SOX10: variants seen among roughly 807,000 people sequenced by gnomAD.
The protein encoded by SOX10 is SRY-box transcription factor 10.
In SOX10, 3 loss-of-function variants were observed where a neutral mutation model predicts 35.0. The ratio of observed to expected loss-of-function variants is 0.09; its 90% confidence interval spans 0.04 to 0.22. The LOEUF (loss-of-function observed/expected upper bound fraction) is 0.22, where lower values mean the gene tolerates loss of function less well. SOX10 is among the 10% of genes least tolerant of loss of function. The probability of loss-of-function intolerance (pLI) is 1.00; values close to 1 mark genes in which losing one functional copy is unlikely to be tolerated. For missense variants in SOX10, 436 were observed against 655.1 expected (o/e 0.67, Z 3.65); for synonymous variants, 285 against 291.0 (o/e 0.98, Z 0.21).
rs188000307 is a variant in SOX10 at position 37,978,809 on chromosome 22, C to T, written c.429-674G>A. ...TTTTTTTTTCTGTGAGGGAATCTCA[C>T]TCTGTCACCCATGCTAGAGCTCAGT... On this transcript the variant is annotated intron_variant, in intron 2 of 3. Coordinates refer to ENST00000396884, the MANE Select transcript of SOX10 (RefSeq NM_006941.4). The surrounding 1 kb of genome is among the most constrained non-coding windows in gnomAD (Gnocchi z 5.0). Among the ~76,000 whole-genome samples, 81 of 152,138 alleles carry T rather than the reference C, an allele frequency of 5.3e-4. No homozygotes were observed. The highest frequency in any genetic ancestry group is 1.4e-3 in the African/African-American group (59 of 41,494).
In SOX10 at chr22:37,973,831, C is replaced by T. The variant is rs1270414756; in HGVS notation, c.1065G>A (p.Gln355=). The T allele has an allele frequency of 1.2e-6, 2 of 1,605,150 alleles. No individual in the cohort carries two copies. Among genetic ancestry groups the T allele is most frequent in the Non-Finnish European group, 1.7e-6 (2 of 1,173,684 alleles). Residue 355 remains glutamine (Q), a synonymous_variant, in exon 4 of 4, where the codon CAG becomes CAA. Coordinates refer to ENST00000396884, the MANE Select transcript of SOX10 (RefSeq NM_006941.4). The part of the protein sequence containing the change: ...VSPPGVDAKA[Q]VKTETAGPQG... ...GGGGCCCCGCGGTCTCTGTCTTCAC[C>T]TGGGCTTTGGCATCCACACCAGGTG...
chr22:37,979,915 C>G (rs1932343697), intron 2 of SOX10, among the ~76,000 whole-genome samples: 2 of 152,060 alleles, frequency 1.3e-5, no homozygotes, highest in South Asian at 4.1e-4. Flanking sequence ...CCCCTCACAC[C>G]CCAGTGAGTG....
rs1932484397 is a variant in SOX10 at position 37,983,799 on chromosome 22, C to CCGA, written c.-16_-15insTCG. On this transcript the variant is annotated 5_prime_UTR_variant, in exon 2 of 4. Transcript: ENST00000396884. The surrounding 1 kb of genome is among the most constrained non-coding windows in gnomAD (Gnocchi z 9.5). ...TCCTCCGCCATGTCGCCCCCGGCCG[C>CCGA]CGCCGCCGCCGCCTCGGCCGCCTCC... is the stretch of plus-strand genomic sequence containing the variant. The CCGA allele has an allele frequency of 1.1e-5, 15 of 1,420,844 alleles. No individual in the cohort carries two copies. The highest frequency in any genetic ancestry group is 1.3e-5 in the Non-Finnish European group (14 of 1,086,650). 88.0% of individuals were successfully genotyped at this position (1,420,844 alleles called of 1,614,324 possible).
In SOX10 at chr22:37,973,902, C is replaced by G; in HGVS notation, c.994G>C (p.Ala332Pro). The G allele has an allele frequency of 1.2e-6, 2 of 1,610,192 alleles. No homozygotes were observed. Among genetic ancestry groups the G allele is most frequent in the Non-Finnish European group, 1.7e-6 (2 of 1,179,758 alleles). Residue 332 changes from alanine to proline, a missense_variant, in exon 4 of 4, where the codon GCC (alanine) becomes CCC (proline). Transcript: ENST00000396884. ...ACGCCTGGTGGCTTGGAGATCCAGG[C>G]GGAGTGTCCACTGGCCACGGCCAGG... ...SALAVASGHSAWISKPPGVAL... is the reference protein window; with the variant it reads ...SALAVASGHSPWISKPPGVAL...
chr22:37,972,374 G>A lies in SOX10; in HGVS notation c.*1121C>T. The A allele has an allele frequency of 2.0e-6, 1 of 496,468 alleles. No homozygotes were observed. The highest frequency in any genetic ancestry group is 3.7e-6 in the Non-Finnish European group (1 of 268,082). 30.8% of individuals were successfully genotyped at this position (496,468 alleles called of 1,614,324 possible). On this transcript the variant is annotated 3_prime_UTR_variant, in exon 4 of 4. Transcript: ENST00000396884. ...ATGCAGAGTTAATAGGGGCTAGAGTGGCTAGGAGAGGGGACTACTGAGATA... is the reference window on the plus strand; with the variant it reads ...ATGCAGAGTTAATAGGGGCTAGAGTAGCTAGGAGAGGGGACTACTGAGATA...
rs1349532003 is a variant in SOX10 at position 37,983,079 on chromosome 22, A to T, written c.428+278T>A. On this transcript the variant is annotated intron_variant, in intron 2 of 3. Transcript: ENST00000396884. This position sits in a 1 kb window ranked among gnomAD's most constrained non-coding sequence, Gnocchi z 9.5. ...CCTCCTTCCCTCCCTCCAAAGCCCC[A>T]GGCCCCACGGTCTGCCACCCGCAAA... Among the ~76,000 whole-genome samples, 1 of 152,168 alleles carries T rather than the reference A, an allele frequency of 6.6e-6. No homozygotes were observed.
rs1264953308 is a variant in SOX10 at position 37,978,213 on chromosome 22, T to C, written c.429-78A>G. On this transcript the variant is annotated intron_variant, in intron 2 of 3. Transcript: ENST00000396884. This position sits in a 1 kb window ranked among gnomAD's most constrained non-coding sequence, Gnocchi z 5.0. ...AGAGCACTCCAGGTTGGCCTCCCTC[T>C]GAGTGTCCATCTTGGAAGATGTGAG... 3.6e-6 allele frequency: 5 copies of C among 1,405,050 alleles called. No homozygotes were observed. Among genetic ancestry groups the C allele is most frequent in the African/African-American group, 2.9e-5 (2 of 69,402 alleles). The allele number at this position is 1,405,050 out of a possible 1,614,324, so 87.0% of individuals were successfully genotyped here. A position where few individuals can be genotyped will look rare whatever the true frequency, so the allele number is the denominator to read the frequency against.
rs143057951 is a variant in SOX10 at position 37,977,964 on chromosome 22, G to A, written c.600C>T (p.Thr200=). Reference sequence around the variant, plus strand: ...TCTTGTAGTGGGCCTGGATGGCGGCGGTCCCACCTTGCTCGGCCTCCCCAC... The same window carrying A: ...TCTTGTAGTGGGCCTGGATGGCGGCAGTCCCACCTTGCTCGGCCTCCCCAC... ...CPGGEAEQGG[T]AAIQAHYKSA... is the part of the protein sequence containing the mutation. Residue 200 remains threonine, a synonymous_variant, in exon 3 of 4, where the codon ACC becomes ACT. Transcript: ENST00000396884. 100 of 1,612,198 alleles carry A rather than the reference G, an allele frequency of 6.2e-5. 1 individual carries two copies. In the Admixed American group the frequency reaches 9.3e-4, roughly 15 times the overall value.
In SOX10 at chr22:37,977,914, G is replaced by T; in HGVS notation, c.650C>A (p.Pro217Gln). Reference sequence around the variant, plus strand: ...ATCTGACATGGGGGAGCCCTCTCCTGGGTGCCGGTGGTCCAAGTGGGCGCT... The same window carrying T: ...ATCTGACATGGGGGAGCCCTCTCCTTGGTGCCGGTGGTCCAAGTGGGCGCT... ...YKSAHLDHRH[P>Q]GEGSPMSDGN... The change falls in exon 3 of 4, where the codon CCA (proline) becomes CAA (glutamine). Residue 217 changes from proline to glutamine, a missense_variant. By Grantham distance (76) the Pro-to-Gln change is moderately conservative. Around this residue, in one of 3 missense-constraint regions of SOX10, gnomAD observed 285 missense variants for 402.9 expected, o/e 0.71. Transcript: ENST00000396884. 1 of 1,613,044 alleles carries T rather than the reference G, an allele frequency of 6.2e-7. No homozygotes were observed. Among genetic ancestry groups the T allele is most frequent in the Non-Finnish European group, 8.5e-7 (1 of 1,179,836 alleles).
chr22:37,979,485 T>C (rs1334807941), intron 2 of SOX10, among the ~76,000 whole-genome samples: 1 of 151,824 alleles, frequency 6.6e-6, no homozygotes, highest in East Asian at 1.9e-4. Context: ...CCTGATTGTG[T>C]GAATTCCAGT....
In SOX10 at chr22:37,974,205, A is replaced by C. The variant is rs1758023990; in HGVS notation, c.698-7T>G. 6.3e-7 allele frequency: 1 copy of C among 1,596,188 alleles called. No homozygotes were observed. Among genetic ancestry groups the C allele is most frequent in the South Asian group, 1.1e-5 (1 of 90,738 alleles). On this transcript the variant is annotated splice_region_variant and splice_polypyrimidine_tract_variant and intron_variant, in intron 3 of 3. Transcript: ENST00000396884. This position sits in a 1 kb window ranked among gnomAD's most constrained non-coding sequence, Gnocchi z 5.4. ...GGTGGGCCATGGCTCTGGCCTGGGT[A>C]GAAGGGAGACAGAGAGAGAGAGCGC...
Position 37,978,003 on chromosome 22 carries a change from C to T in SOX10, c.561G>A (p.Glu187=). The T allele has an allele frequency of 3.7e-6, 6 of 1,611,854 alleles. No individual in the cohort carries two copies. The highest frequency in any genetic ancestry group is 5.1e-6 in the Non-Finnish European group (6 of 1,179,800). The part of the protein sequence containing the change: ...RRKNGKAAQG[E]AECPGGEAEQ... ...CGGCCTCCCCACCGGGGCACTCCGC[C>T]TCGCCCTGGGCGGCCTTCCCGTTCT... The change falls in exon 3 of 4, where the codon GAG becomes GAA. Residue 187 remains glutamate, a synonymous_variant. Transcript: ENST00000396884. The surrounding 1 kb of genome is among the most constrained non-coding windows in gnomAD (Gnocchi z 5.0).
chr22:37,977,496 A>G (rs1569168987), intron 3 of SOX10, among the ~76,000 whole-genome samples: 1 of 151,328 alleles, frequency 6.6e-6, no homozygotes, highest in Non-Finnish European at 1.5e-5. Flanking sequence ...AATTTTTTTT[A>G]TTTTTAGTAG....
In SOX10 at chr22:37,983,204, G is replaced by C; in HGVS notation, c.428+153C>G. 1 of 918,096 alleles carries C rather than the reference G, an allele frequency of 1.1e-6. No individual in the cohort carries two copies. Among genetic ancestry groups the C allele is most frequent in the Non-Finnish European group, 1.7e-6 (1 of 592,768 alleles). The allele number at this position is 918,096 out of a possible 1,614,324, so 56.9% of individuals were successfully genotyped here. A position where few individuals can be genotyped will look rare whatever the true frequency, so the allele number is the denominator to read the frequency against. On this transcript the variant is annotated intron_variant, in intron 2 of 3. Coordinates refer to ENST00000396884, the MANE Select transcript of SOX10 (RefSeq NM_006941.4). The surrounding 1 kb of genome is among the most constrained non-coding windows in gnomAD (Gnocchi z 9.5). ...GTTCCAGGGTCCTTGTGATGGAAGG[G>C]CGGGCGCGGCCCCCACACCTGGTCT...
chr22:37,983,369 C>T lies in SOX10; in HGVS notation c.416G>A (p.Gly139Asp), dbSNP rs2145776915. The change falls in exon 2 of 4, where the codon GGC becomes GAC. Residue 139 changes from glycine (G) to aspartate (D), a missense_variant. Transcript: ENST00000396884. This position sits in a 1 kb window ranked among gnomAD's most constrained non-coding sequence, Gnocchi z 9.5. Reference sequence around the variant, plus strand: ...GTCGGGTGCTCACCTCCAGAGCTTGCCCAGCGTCTTGCTGAGCTCAGCGTT... The same window carrying T: ...GTCGGGTGCTCACCTCCAGAGCTTGTCCAGCGTCTTGCTGAGCTCAGCGTT... ...LHNAELSKTL[G>D]KLWRLLNESD... 1 of 1,608,398 alleles carries T rather than the reference C, an allele frequency of 6.2e-7. No homozygotes were observed.
In SOX10 at chr22:37,978,262, G is replaced by T; in HGVS notation, c.429-127C>A. 3 of 1,020,176 alleles carry T rather than the reference G, an allele frequency of 2.9e-6. No individual in the cohort carries two copies. The highest frequency in any genetic ancestry group is 4.1e-6 in the Non-Finnish European group (3 of 722,978). The allele number at this position is 1,020,176 out of a possible 1,614,324, so 63.2% of individuals were successfully genotyped here. On this transcript the variant is annotated intron_variant, in intron 2 of 3. Coordinates refer to ENST00000396884, the MANE Select transcript of SOX10 (RefSeq NM_006941.4). This position sits in a 1 kb window ranked among gnomAD's most constrained non-coding sequence, Gnocchi z 5.0. ...AGGCCCTGGGATGGGGCACCCAGAGGACAGGACCCGGGGTGGGGGCTGTGC... is the reference window on the plus strand; with the variant it reads ...AGGCCCTGGGATGGGGCACCCAGAGTACAGGACCCGGGGTGGGGGCTGTGC...
chr22:37,983,271 G>A lies in SOX10; in HGVS notation c.428+86C>T. 7.0e-7 allele frequency: 1 copy of A among 1,437,682 alleles called. No individual in the cohort carries two copies. The highest frequency in any genetic ancestry group is 9.5e-7 in the Non-Finnish European group (1 of 1,053,244). 89.1% of individuals were successfully genotyped at this position (1,437,682 alleles called of 1,614,324 possible). A position where few individuals can be genotyped will look rare whatever the true frequency, so the allele number is the denominator to read the frequency against. ...GAGGACTGCCAGACAGTCCCGCTCT[G>A]AGGTGCAGGAGGCCGGGCCGCCTCG... is the stretch of plus-strand genomic sequence containing the variant. On this transcript the variant is annotated intron_variant, in intron 2 of 3. Transcript: ENST00000396884. This position sits in a 1 kb window ranked among gnomAD's most constrained non-coding sequence, Gnocchi z 9.5.
In SOX10 at chr22:37,983,527, C is replaced by G. The variant is rs150851799; in HGVS notation, c.258G>C (p.Thr86=). The change falls in exon 2 of 4, where the codon ACG becomes ACC. Residue 86 remains threonine (T), a synonymous_variant. Coordinates refer to ENST00000396884, the MANE Select transcript of SOX10 (RefSeq NM_006941.4). The surrounding 1 kb of genome is among the most constrained non-coding windows in gnomAD (Gnocchi z 9.5). Reference sequence around the variant, plus strand: ...TGACGCGCACGGGCATGGGCACCAGCGTCCAGTCGTAGCCGCTGAGCACCT... The same window carrying G: ...TGACGCGCACGGGCATGGGCACCAGGGTCCAGTCGTAGCCGCTGAGCACCT... ...VSQVLSGYDW[T]LVPMPVRVNG... 2 of 1,610,100 alleles carry G rather than the reference C, an allele frequency of 1.2e-6. No individual in the cohort carries two copies. Among genetic ancestry groups the G allele is most frequent in the Admixed American group, 1.7e-5 (1 of 59,692 alleles).
chr22:37,979,248 C>T (rs1219266581), intron 2 of SOX10, among the ~76,000 whole-genome samples: 2 of 151,854 alleles, frequency 1.3e-5, no homozygotes, highest in African/African-American at 4.8e-5. Flanking sequence ...CAGGCACGCA[C>T]CACCATGCCT....
Sources: gnomAD v4.1 joint callset for allele counts (sites outside exome capture counted in the v4.1 genomes callset) on GRCh38, gnomAD v4.1.1 for gene constraint, gnomAD v4.1.1 regional missense constraint, Gnocchi (gnomAD v3.1) non-coding constraint, MANE v1.5 for transcripts, NCBI Gene and HGNC (gene_info 2026-07-23, HGNC 2026-07-21) for gene names.